Variants in YJU2 observed in about 807,000 individuals in gnomAD.
The protein encoded by YJU2 is YJU2 splicing factor homolog.
In YJU2, 28 loss-of-function variants were observed where a neutral mutation model predicts 39.6. That is an observed-to-expected ratio of 0.71 (90% CI 0.52 to 0.97). The LOEUF is 0.97. YJU2 is among the 50% of genes least tolerant of loss of function. The pLI is 0.00. For missense variants in YJU2, 328 were observed against 430.4 expected, an observed-to-expected ratio of 0.76 and a Z score of 2.11; for synonymous variants, 184 against 182.4, an observed-to-expected ratio of 1.01 and a Z score of -0.07.
intron 4 of YJU2, among the ~76,000 whole-genome samples, chr19:4,256,172 A>AAG (rs1416463972): frequency 2.1e-5 from 2 of 95,812 alleles, no homozygotes; most frequent in South Asian, 3.7e-4. Flanking sequence ...ACTGTCGCAA[A>AAG]AAAAAAAAAA....
At chr19:4,260,078 C>A (rs1430446845) in intron 5 of YJU2, among the ~76,000 whole-genome samples, 2 of 152,010 alleles carry the variant, frequency 1.3e-5, no homozygotes, top group East Asian at 3.9e-4. Flanking sequence ...GTTCCGGCAT[C>A]CAGGCACTTA....
At chr19:4,256,181 A>AAAAATAT (rs1001505791) in intron 4 of YJU2, among the ~76,000 whole-genome samples, 12 of 125,890 alleles carry the variant, frequency 9.5e-5, no homozygotes, top group African/African-American at 3.7e-4. Flanking sequence ...AAAAAAAAAA[A>AAAAATAT]ATATATATAT....
intron 6 of YJU2, among the ~76,000 whole-genome samples, chr19:4,264,362 C>T (rs1971099593): frequency 6.7e-6 from 1 of 149,632 alleles, no homozygotes; most frequent in Non-Finnish European, 1.5e-5. Context: ...GGCTGGAGTG[C>T]AGTAATGCAG....
intron 6 of YJU2, among the ~76,000 whole-genome samples, chr19:4,265,476 A>C (rs1304695953): frequency 6.6e-6 from 1 of 150,646 alleles, no homozygotes; most frequent in Non-Finnish European, 1.5e-5. Flanking sequence ...TATGTTGTCT[A>C]GGCTGGTCTC....
chr19:4,263,096 A>C (rs1385303972), intron 6 of YJU2, among the ~76,000 whole-genome samples: 3 of 147,810 alleles, frequency 2.0e-5, no homozygotes, highest in African/African-American at 7.6e-5. Context: ...AAAAAAACTT[A>C]ATTTACTAAA....
chr19:4,247,295 G>A, intron 1 of YJU2, 125 bp downstream of exon 1: 1 of 836,008 alleles, frequency 1.2e-6, no homozygotes, highest in Non-Finnish European at 1.9e-6. Flanking sequence ...CGCGAGATGG[G>A]GCTTCCCAGA....
At chr19:4,249,434 TAGACATTGTCCTGGCTC>T in intron 2 of YJU2, 106 bp downstream of exon 2, 1 of 694,986 alleles carries the variant, frequency 1.4e-6, no homozygotes, top group Non-Finnish European at 2.5e-6. Flanking sequence ...TCACTGGTCT[TAGACATTGTCCTGGCTC>T]AGACATTGAC....
chr19:4,258,437 G>GGCCCAACCCA lies in YJU2; in HGVS notation c.587+19_587+28dup. 1 of 1,569,170 alleles carries GGCCCAACCCA rather than the reference G, an allele frequency of 6.4e-7. No homozygotes were observed. Among genetic ancestry groups the GGCCCAACCCA allele is most frequent in the Non-Finnish European group, 8.6e-7 (1 of 1,158,152 alleles). On this transcript the variant is annotated intron_variant, in intron 5 of 7. Transcript: ENST00000262962. ...GCAGGAGACCGCGTGAGTCAGGGCC[G>GGCCCAACCCA]GCCCAACCCAGCCCCACCTCGCAGC...
intron 6 of YJU2, among the ~76,000 whole-genome samples, chr19:4,265,675 G>A (rs375107850): frequency 1.3e-5 from 2 of 151,464 alleles, no homozygotes; most frequent in South Asian, 2.1e-4. Context: ...TGCAACCTCC[G>A]GCTCCCAGCC....
At chr19:4,265,724 G>T in intron 6 of YJU2, among the ~76,000 whole-genome samples, 1 of 151,612 alleles carries the variant, frequency 6.6e-6, no homozygotes, top group Non-Finnish European at 1.5e-5. Flanking sequence ...GAGTAGCTGG[G>T]ATTACAGGCG....
At chr19:4,268,471 C>A in intron 7 of YJU2, 113 bp from the exon 8 acceptor site, 1 of 679,652 alleles carries the variant, frequency 1.5e-6, no homozygotes. Flanking sequence ...CCAGGCCATT[C>A]ACATGCTGTC....
In YJU2 at chr19:4,262,019, C is replaced by T; in HGVS notation, c.613C>T (p.Arg205Ter). 2 of 1,613,288 alleles carry T rather than the reference C, an allele frequency of 1.2e-6. No homozygotes were observed. Among genetic ancestry groups the T allele is most frequent in the Non-Finnish European group, 1.7e-6 (2 of 1,179,916 alleles). ...TAALLEEARKRRLLEDSDSED... is the reference protein window; with the variant it reads ...TAALLEEARK ...GGCCCTGTTGGAGGAAGCCAGAAAGCGAAGACTGCTGGAGGACTCCGACTC... is the reference window on the plus strand; with the variant it reads ...GGCCCTGTTGGAGGAAGCCAGAAAGTGAAGACTGCTGGAGGACTCCGACTC... The change falls in exon 6 of 8, where the codon CGA (arginine) becomes TGA (stop). Residue 205 changes from arginine (R) to a stop codon, truncating the protein, a stop_gained. Coordinates refer to ENST00000262962, the MANE Select transcript of YJU2 (RefSeq NM_018074.6). LOFTEE classifies it high-confidence loss of function.
chr19:4,263,386 A>G (rs1431127487), intron 6 of YJU2, among the ~76,000 whole-genome samples: 1 of 152,168 alleles, frequency 6.6e-6, no homozygotes, highest in Non-Finnish European at 1.5e-5. Flanking sequence ...ACGCAGCCTC[A>G]GATGCGGCCC....
rs1971141191 is a variant in YJU2 at position 4,268,956 on chromosome 19, C to T, written c.*260C>T. 4 of 497,842 alleles carry T rather than the reference C, an allele frequency of 8.0e-6. No individual in the cohort carries two copies. Among genetic ancestry groups the T allele is most frequent in the Non-Finnish European group, 1.5e-5 (4 of 273,402 alleles). The allele number at this position is 497,842 out of a possible 1,614,324, so 30.8% of individuals were successfully genotyped here. Reference sequence around the variant, plus strand: ...CCTGTCACTGTGCTTAGGGCTGCAACATCCCTGGAGCAGCTTCCAACACTA... The same window carrying T: ...CCTGTCACTGTGCTTAGGGCTGCAATATCCCTGGAGCAGCTTCCAACACTA... On this transcript the variant is annotated 3_prime_UTR_variant, in exon 8 of 8. Transcript: ENST00000262962.
At position 4,258,192 on chromosome 19, in the gene YJU2, C is replaced by T. The variant is rs1971037971; in HGVS notation, c.406-50C>T. On this transcript the variant is annotated intron_variant, in intron 4 of 7. Coordinates refer to ENST00000262962, the MANE Select transcript of YJU2 (RefSeq NM_018074.6). ...GCCCCCGAGGCCAGACAGGGTTTGCCCCGTGGTGCGATCCCCATGCACTCA... is the reference window on the plus strand; with the variant it reads ...GCCCCCGAGGCCAGACAGGGTTTGCTCCGTGGTGCGATCCCCATGCACTCA... The T allele has an allele frequency of 2.6e-6, 4 of 1,537,932 alleles. No homozygotes were observed. The Admixed American group carries it at 8.0e-5, about 31-fold the overall frequency.
At chr19:4,253,474 G>A (rs146890719) in intron 3 of YJU2, among the ~76,000 whole-genome samples, 40 of 152,072 alleles carry the variant, frequency 2.6e-4, no homozygotes, top group African/African-American at 9.2e-4. Flanking sequence ...CCAGCTACTC[G>A]GCAGGCTAAG....
intron 2 of YJU2, among the ~76,000 whole-genome samples, chr19:4,250,029 C>T (rs910802603): frequency 2.0e-5 from 3 of 152,078 alleles, no homozygotes; most frequent in African/African-American, 7.2e-5. Context: ...TTACACATGG[C>T]AGGCTCCTCT....
intron 4 of YJU2, among the ~76,000 whole-genome samples, chr19:4,256,833 A>C (rs966674375): frequency 6.6e-6 from 1 of 152,040 alleles, no homozygotes; most frequent in Non-Finnish European, 1.5e-5. Context: ...GCAGCTGCGT[A>C]CCCCAGAGCA....
chr19:4,266,111 G>A (rs1240434933), intron 6 of YJU2, among the ~76,000 whole-genome samples: 1 of 152,022 alleles, frequency 6.6e-6, no homozygotes, highest in African/African-American at 2.4e-5. Context: ...GTGCCACCAA[G>A]CCTGGCTAAT....
Sources: gnomAD v4.1 joint callset for allele counts (sites outside exome capture counted in the v4.1 genomes callset) on GRCh38, gnomAD v4.1.1 for gene constraint, MANE v1.5 for transcripts, NCBI Gene and HGNC (gene_info 2026-07-23, HGNC 2026-07-21) for gene names.